The following PLIN2 variants were observed in gnomAD, a reference collection of about 807,000 sequenced individuals.
The protein encoded by PLIN2 is perilipin 2.
PLIN2 carries 33 observed loss-of-function variants against 30.6 expected under a neutral mutation model. The ratio of observed to expected loss-of-function variants is 1.08; its 90% CI spans 0.82 to 1.44. The LOEUF is 1.44. Ranked by LOEUF, PLIN2 falls within the 40% of genes most tolerant of loss-of-function variation. The pLI, the probability that PLIN2 is intolerant of heterozygous loss-of-function variation, is 0.00. For synonymous variants in PLIN2, 205 were observed against 201.1 expected, an observed-to-expected ratio of 1.02 and a Z score of -0.16; for missense variants, 610 against 531.8, an observed-to-expected ratio of 1.15 and a Z score of -1.45.
chr9:19,125,964 C>T (rs1430214188), intron 3 of PLIN2, 150 bp downstream of exon 3: 4 of 591,162 alleles, frequency 6.8e-6, no homozygotes, highest in African/African-American at 5.6e-5. Context: ...AAACAGTCCT[C>T]TTACGGTAAT....
At chr9:19,115,009 G>C (rs567621899), downstream of PLIN2, among the ~76,000 whole-genome samples, 96 of 152,282 alleles carry the variant, frequency 6.3e-4, no homozygotes, top group Non-Finnish European at 1.3e-3. Context: ...TCTCCCTTTA[G>C]GACTCACGCT....
intron 4 of PLIN2, among the ~76,000 whole-genome samples, chr9:19,122,463 C>A (rs1228125388): frequency 6.6e-6 from 1 of 151,424 alleles, no homozygotes; most frequent in South Asian, 2.1e-4. Context: ...GGTTTGTAGC[C>A]TAGAAGCAAG....
downstream of PLIN2, among the ~76,000 whole-genome samples, chr9:19,114,578 A>G (rs1450690282): frequency 6.6e-6 from 1 of 151,394 alleles, no homozygotes; most frequent in African/African-American, 2.4e-5. Flanking sequence ...TAATTTTTGT[A>G]TTTTTTGTAG....
chr9:19,124,939 G>T (rs1818372871), intron 3 of PLIN2, among the ~76,000 whole-genome samples: 1 of 152,102 alleles, frequency 6.6e-6, no homozygotes, highest in Non-Finnish European at 1.5e-5. Context: ...GATTAACTTT[G>T]AAAACATTAT....
intron 7 of PLIN2, among the ~76,000 whole-genome samples, chr9:19,116,943 G>A (rs955685321): frequency 1.5e-4 from 23 of 152,028 alleles, no homozygotes; most frequent in Non-Finnish European, 3.1e-4. Context: ...ATTAGGTAGG[G>A]GAGACCCAAA....
downstream of PLIN2, among the ~76,000 whole-genome samples, chr9:19,111,147 T>C (rs575540581): frequency 6.6e-6 from 1 of 152,092 alleles, no homozygotes; most frequent in East Asian, 1.9e-4. Flanking sequence ...AACCTTCGCC[T>C]CCCAGGTTCA....
rs753079284 is a variant in PLIN2, at chr9:19,123,589, A to C, written c.285T>G (p.Pro95=). 4 of 1,614,120 alleles carry C rather than the reference A, an allele frequency of 2.5e-6. No homozygotes were observed. The African/African-American group carries it at 4.0e-5, about 16-fold the overall frequency. The change falls in exon 4 of 8, where the codon CCT becomes CCG. Residue 95 remains proline (P), a synonymous_variant. Coordinates refer to ENST00000276914, the MANE Select transcript of PLIN2 (RefSeq NM_001122.4). ...KGLDRIEERL[P]ILNQPSTQIV... is the part of the protein sequence containing the mutation. ...CCTGAGTTGATGGCTGATTCAGAAT[A>C]GGCAGTCTCTCCTCAATCCTGTCTA...
chr9:19,116,397 T>A lies in PLIN2; in HGVS notation c.1165A>T (p.Met389Leu). The A allele has an allele frequency of 6.2e-7, 1 of 1,614,192 alleles. No individual in the cohort carries two copies. The highest frequency in any genetic ancestry group is 8.5e-7 in the Non-Finnish European group (1 of 1,180,028). The change falls in exon 8 of 8, where the codon ATG (methionine) becomes TTG (leucine). Residue 389 changes from methionine to leucine, a missense_variant. Physicochemically the swap from Met to Leu is conservative, Grantham distance 15. Transcript: ENST00000276914. ...GGCGTGTTGTTAACAAGATAATCCA[T>A]CACGTCATCTAAAGATTCCTTCATT... ...QKMKESLDDV[M>L]DYLVNNTPLN... is the part of the protein sequence containing the mutation.
intron 1 of PLIN2, among the ~76,000 whole-genome samples, chr9:19,126,673 AAACTT>A (rs1818405807): frequency 1.3e-5 from 2 of 152,324 alleles, no homozygotes; most frequent in South Asian, 4.1e-4. Flanking sequence ...GCTTATGTGT[AAACTT>A]GCAATACTCA....
At position 19,127,485 on chromosome 9, in the gene PLIN2, G is replaced by C. The variant is rs925726206; in HGVS notation, c.-89C>G. The C allele has an allele frequency of 6.6e-6, 1 of 152,330 alleles. No homozygotes were observed. The highest frequency in any genetic ancestry group is 2.4e-5 in the African/African-American group (1 of 41,444). The allele number at this position is 152,330 out of a possible 1,614,324, so 9.4% of individuals were successfully genotyped here. The stretch of plus-strand genomic sequence containing the variant: ...AGACGACTCCGGCTGCCACGACCCG[G>C]TCAAAGCGTGGGGCCCGCGGGCGCC... On this transcript the variant is annotated 5_prime_UTR_variant, in exon 1 of 8. Transcript: ENST00000276914. This position sits in a 1 kb window ranked among gnomAD's most constrained non-coding sequence, Gnocchi z 4.3.
At position 19,118,468 on chromosome 9, in the gene PLIN2, A is replaced by T. The variant is rs747983687; in HGVS notation, c.778-13T>A. The T allele has an allele frequency of 6.2e-7, 1 of 1,610,196 alleles. No individual in the cohort carries two copies. Among genetic ancestry groups the T allele is most frequent in the Non-Finnish European group, 8.5e-7 (1 of 1,178,804 alleles). ...TGGCAAATTCAATCTAGACACATTG[A>T]AACAAGACAAAGGAACACACAAGTC... On this transcript the variant is annotated splice_polypyrimidine_tract_variant and intron_variant, in intron 6 of 7. Coordinates refer to ENST00000276914, the MANE Select transcript of PLIN2 (RefSeq NM_001122.4).
chr9:19,124,972 CA>C (rs1818373537), intron 3 of PLIN2, among the ~76,000 whole-genome samples: 1 of 151,968 alleles, frequency 6.6e-6, no homozygotes, highest in South Asian at 2.1e-4. Context: ...AAGCCAATCA[CA>C]AAAAAACCCA....
downstream of PLIN2, among the ~76,000 whole-genome samples, chr9:19,114,004 T>C (rs1818189542): frequency 6.6e-6 from 1 of 152,008 alleles, no homozygotes; most frequent in Non-Finnish European, 1.5e-5. Flanking sequence ...TGTTGGCCTC[T>C]CCTGACCTCT....
In PLIN2 at chr9:19,118,475, A is replaced by G; in HGVS notation, c.778-20T>C. 6.2e-7 allele frequency: 1 copy of G among 1,607,346 alleles called. No homozygotes were observed. Among genetic ancestry groups the G allele is most frequent in the Non-Finnish European group, 8.5e-7 (1 of 1,177,504 alleles). ...TTCAATCTAGACACATTGAAACAAGACAAAGGAACACACAAGTCAGATATT... is the reference window on the plus strand; with the variant it reads ...TTCAATCTAGACACATTGAAACAAGGCAAAGGAACACACAAGTCAGATATT... On this transcript the variant is annotated intron_variant, in intron 6 of 7. Coordinates refer to ENST00000276914, the MANE Select transcript of PLIN2 (RefSeq NM_001122.4).
chr9:19,115,202 G>A (rs755684343), downstream of PLIN2, among the ~76,000 whole-genome samples: 3 of 152,110 alleles, frequency 2.0e-5, no homozygotes, highest in Non-Finnish European at 4.4e-5. Context: ...AGGGCCAACT[G>A]TCACCTAGTA....
Position 19,126,502 on chromosome 9 carries a change from T to C in PLIN2, c.-22-54A>G, listed in dbSNP as rs1479428368. 3 of 1,148,756 alleles carry C rather than the reference T, an allele frequency of 2.6e-6. No individual in the cohort carries two copies. In the African/African-American group the frequency reaches 4.6e-5, roughly 18 times the overall value. 71.2% of individuals were successfully genotyped at this position (1,148,756 alleles called of 1,614,324 possible). The stretch of plus-strand genomic sequence containing the variant: ...CCGGGATAAGACTCTCCCAAATTCA[T>C]TCCCCAACCCAAGCAAATGCTGATT... On this transcript the variant is annotated intron_variant, in intron 1 of 7. Transcript: ENST00000276914.
Position 19,116,366 on chromosome 9 carries a change from T to C in PLIN2, c.1196A>G (p.Asn399Ser). ...MDYLVNNTPL[N>S]WLVGPFYPQL... The stretch of plus-strand genomic sequence containing the variant: ...AGGATAAAAGGGACCTACCAGCCAG[T>C]TGAGGGGCGTGTTGTTAACAAGATA... The change falls in exon 8 of 8, where the codon AAC becomes AGC. Residue 399 changes from asparagine to serine, a missense_variant. By Grantham distance (46) the Asn-to-Ser change is conservative. Transcript: ENST00000276914. 1 of 1,614,158 alleles carries C rather than the reference T, an allele frequency of 6.2e-7. No homozygotes were observed. Among genetic ancestry groups the C allele is most frequent in the Non-Finnish European group, 8.5e-7 (1 of 1,180,036 alleles).
intron 3 of PLIN2, among the ~76,000 whole-genome samples, chr9:19,124,048 C>CTT (rs1818360773): frequency 6.7e-6 from 1 of 148,716 alleles, no homozygotes; most frequent in South Asian, 2.1e-4. Context: ...GAATGTTGAT[C>CTT]TTATACAACA....
Position 19,120,803 on chromosome 9 carries a change from G to A in PLIN2, c.595+77C>T. 4 of 1,167,278 alleles carry A rather than the reference G, an allele frequency of 3.4e-6. No homozygotes were observed. The Admixed American group carries it at 7.0e-5, about 21-fold the overall frequency. 72.3% of individuals were successfully genotyped at this position (1,167,278 alleles called of 1,614,324 possible). Reference sequence around the variant, plus strand: ...CACAACTGTGTAAATTTAGACTCAAGATGAGAGTATATGTCAATGAAGCTG... The same window carrying A: ...CACAACTGTGTAAATTTAGACTCAAAATGAGAGTATATGTCAATGAAGCTG... On this transcript the variant is annotated intron_variant, in intron 5 of 7. Coordinates refer to ENST00000276914, the MANE Select transcript of PLIN2 (RefSeq NM_001122.4).
Sources: allele counts gnomAD v4.1 joint callset (sites outside exome capture counted in the v4.1 genomes callset), GRCh38; gene constraint gnomAD v4.1.1; non-coding constraint Gnocchi (gnomAD v3.1); transcripts MANE v1.5; gene names NCBI Gene and HGNC (gene_info 2026-07-23, HGNC 2026-07-21).